Variants in SYNE3 observed in about 807,000 individuals in gnomAD.
The protein encoded by SYNE3 is nesprin-3.
SYNE3 carries 100 observed loss-of-function variants against 111.2 expected under a neutral mutation model. The observed-to-expected ratio is 0.90, with a 90% CI of 0.77 to 1.06. The LOEUF (loss-of-function observed/expected upper bound fraction) is 1.06. Ranked by LOEUF, SYNE3 falls within the 50% of genes least tolerant of loss-of-function variation. The pLI, the probability that SYNE3 is intolerant of heterozygous loss-of-function variation, is 0.00. For missense variants in SYNE3, 1,160 were observed against 1,240.3 expected (o/e 0.94, Z 0.97); for synonymous variants, 547 against 533.9 (o/e 1.02, Z -0.34).
At chr14:95,461,181 G>A (rs1341497492) in intron 4 of SYNE3, among the ~76,000 whole-genome samples, 1 of 152,216 alleles carries the variant, frequency 6.6e-6, no homozygotes, top group Non-Finnish European at 1.5e-5. Flanking sequence ...CAATTAACAA[G>A]GGTGGTGCGG....
At chr14:95,482,074 G>A (rs1003605457) in intron 1 of SYNE3, among the ~76,000 whole-genome samples, 2 of 152,216 alleles carry the variant, frequency 1.3e-5, no homozygotes, top group Admixed American at 6.5e-5. Flanking sequence ...GTGAGGGGCT[G>A]ATGCCCCATA....
At chr14:95,421,280 G>C (rs967040021) in intron 17 of SYNE3, among the ~76,000 whole-genome samples, 1 of 152,156 alleles carries the variant, frequency 6.6e-6, no homozygotes, top group African/African-American at 2.4e-5. Flanking sequence ...ATGTTGTGTA[G>C]AGGAGTTAAC....
At chr14:95,501,362 T>C (rs1030122824) in intron 1 of SYNE3, among the ~76,000 whole-genome samples, 3 of 152,224 alleles carry the variant, frequency 2.0e-5, no homozygotes, top group African/African-American at 7.2e-5. Context: ...CCCAGGACCG[T>C]GCCTGTCATA....
chr14:95,421,894 G>A (rs962510879), intron 17 of SYNE3, among the ~76,000 whole-genome samples: 12 of 152,264 alleles, frequency 7.9e-5, no homozygotes, highest in African/African-American at 2.9e-4. Flanking sequence ...ACTCCACCTG[G>A]TTAGCGCTGA....
chr14:95,455,930 A>T (rs1887411419), intron 5 of SYNE3: 1 of 525,674 alleles, frequency 1.9e-6, no homozygotes, highest in African/African-American at 1.9e-5. Flanking sequence ...CTTCCCCATA[A>T]GTCTTTTTCA....
rs926313497 is a variant in SYNE3, at chr14:95,500,533, G to A, written c.-15+16063C>T. On this transcript the variant is annotated intron_variant, in intron 1 of 17. Coordinates refer to ENST00000682763, the MANE Select transcript of SYNE3 (RefSeq NM_152592.6). The surrounding 1 kb of genome is among the most constrained non-coding windows in gnomAD (Gnocchi z 4.7). ...CTGGGACTTTGCTTTGGCCCAGCCG[G>A]ACTCAGCGGGAGGAGGCTGCCTTCC... 2.6e-5 allele frequency among the ~76,000 whole-genome samples: 4 copies of A among 152,238 alleles called. No individual in the cohort carries two copies. Among genetic ancestry groups the A allele is most frequent in the African/African-American group, 9.6e-5 (4 of 41,454 alleles).
chr14:95,419,367 G>A (rs2139335745), intron 17 of SYNE3, among the ~76,000 whole-genome samples: 1 of 152,204 alleles, frequency 6.6e-6, no homozygotes. Flanking sequence ...GCTGGGCTGT[G>A]GTGAGGGCTC....
rs768731428 is a variant in SYNE3, at chr14:95,437,022, G to GC, written c.2377-42dup. ...CGGCCAAAGCGTCAGAGGTGAAAGA[G>GC]CCCCCCTGGCCATGTGTCCTGGGAA... On this transcript the variant is annotated intron_variant, in intron 14 of 17. Transcript: ENST00000682763. 26 of 1,612,092 alleles carry GC rather than the reference G, an allele frequency of 1.6e-5. No homozygotes were observed. In the South Asian group the frequency reaches 2.4e-4, roughly 15 times the overall value.
rs1903527109 is a variant in SYNE3 at position 95,414,762 on chromosome 14, C to G, written c.*3064G>C. 6.6e-6 allele frequency: 1 copy of G among 151,046 alleles called. No homozygotes were observed. The highest frequency in any genetic ancestry group is 2.4e-5 in the African/African-American group (1 of 40,948). 9.4% of individuals were successfully genotyped at this position (151,046 alleles called of 1,614,324 possible). ...CAGCGCCACCTTTCTCAAGTAGCAC[C>G]TTAAAGCTCTGCATGGCTGTTAAAG... On this transcript the variant is annotated 3_prime_UTR_variant, in exon 18 of 18. Transcript: ENST00000682763.
At position 95,470,972 on chromosome 14, in the gene SYNE3, G is replaced by A. The variant is rs1469975632; in HGVS notation, c.145-3005C>T. 6.9e-6 allele frequency among the ~76,000 whole-genome samples: 1 copy of A among 145,562 alleles called. No individual in the cohort carries two copies. Among genetic ancestry groups the A allele is most frequent in the Non-Finnish European group, 1.5e-5 (1 of 66,112 alleles). On this transcript the variant is annotated intron_variant, in intron 2 of 17. Coordinates refer to ENST00000682763, the MANE Select transcript of SYNE3 (RefSeq NM_152592.6). The surrounding 1 kb of genome is among the most constrained non-coding windows in gnomAD (Gnocchi z 4.2). ...TCCAGCCTGGGCAACAGAGCAACAC[G>A]CCGTCTCAGGAAAAAAAAAAAAAGA... is the stretch of plus-strand genomic sequence containing the variant.
At position 95,474,924 on chromosome 14, in the gene SYNE3, C is replaced by A. The variant is rs116354837; in HGVS notation, c.144+754G>T. On this transcript the variant is annotated intron_variant, in intron 2 of 17. Transcript: ENST00000682763. ...TTATGGGATATCTAAATGGATGTGA[C>A]CCCAGAGGTGTGGAAGTCAACTGCT... Among the ~76,000 whole-genome samples, 1,417 of 152,336 alleles carry A rather than the reference C, an allele frequency of 9.3e-3. 27 individuals carry two copies. The highest frequency in any genetic ancestry group is 0.032 in the African/African-American group (1,346 of 41,568).
intron 15 of SYNE3, among the ~76,000 whole-genome samples, chr14:95,434,290 T>C (rs113744895): frequency 1.3e-3 from 205 of 152,274 alleles, no homozygotes; most frequent in African/African-American, 4.8e-3. Flanking sequence ...GGGCAGTCAG[T>C]GCTGTGTTCA....
Position 95,433,333 on chromosome 14 carries a change from G to A in SYNE3, c.2615C>T (p.Ser872Leu), listed in dbSNP as rs767202552. The A allele has an allele frequency of 2.4e-5, 38 of 1,614,004 alleles. No homozygotes were observed. Among genetic ancestry groups the A allele is most frequent in the South Asian group, 2.2e-4 (20 of 91,072 alleles). Residue 872 changes from serine (S) to leucine (L), a missense_variant, in exon 16 of 18, where the codon TCG becomes TTG. Coordinates refer to ENST00000682763, the MANE Select transcript of SYNE3 (RefSeq NM_152592.6). ...GTAGCGCAGATCTTCCAGCTCATCC[G>A]AGGTCCCCCTTGCTGGCCCGAGACG... ...LLRLGPARGT[S>L]DELEDLRYQW...
Position 95,475,711 on chromosome 14 carries a change from G to A in SYNE3, c.111C>T (p.Arg37=), listed in dbSNP as rs138656582. The change falls in exon 2 of 18, where the codon CGC becomes CGT. Residue 37 remains arginine, a synonymous_variant. Transcript: ENST00000682763. The stretch of plus-strand genomic sequence containing the variant: ...CCCACAGCCTGGCCTCCAGGGCCGC[G>A]CGGGGTCCCTGCGTGTTGTCATTGA... The part of the protein sequence containing the change: ...LQVNDNTQGP[R]AALEARLWET... 10 of 1,598,478 alleles carry A rather than the reference G, an allele frequency of 6.3e-6. No individual in the cohort carries two copies. The highest frequency in any genetic ancestry group is 3.5e-5 in the Admixed American group (2 of 57,652).
chr14:95,419,106 C>A (rs774376174), intron 17 of SYNE3, among the ~76,000 whole-genome samples: 2 of 152,212 alleles, frequency 1.3e-5, no homozygotes, highest in Non-Finnish European at 2.9e-5. Flanking sequence ...TCTGGAGGGA[C>A]TGGCCAGGTT....
intron 17 of SYNE3, among the ~76,000 whole-genome samples, chr14:95,425,740 T>C (rs1175019351): frequency 6.6e-6 from 1 of 152,212 alleles, no homozygotes; most frequent in Non-Finnish European, 1.5e-5. Context: ...GCTCAATTTT[T>C]CTATAAACCG....
rs750134563 is a variant in SYNE3 at position 95,467,801 on chromosome 14, C to T, written c.311G>A (p.Cys104Tyr). The change falls in exon 3 of 18, where the codon TGT becomes TAT. Residue 104 changes from cysteine to tyrosine, a missense_variant. By Grantham distance (194) the Cys-to-Tyr change is radical. Transcript: ENST00000682763. ...AAGGCCCTGGATGCCCTACCTGTGA[C>T]AGTGAGTCATGTAGGTGACTGTCTC... ...WEETVTYMTHCHSRIEWVWLH... is the reference protein window; with the variant it reads ...WEETVTYMTHYHSRIEWVWLH... The T allele has an allele frequency of 6.2e-7, 1 of 1,614,148 alleles. No homozygotes were observed.
At chr14:95,477,941 A>G (rs776916344) in intron 1 of SYNE3, among the ~76,000 whole-genome samples, 12 of 152,308 alleles carry the variant, frequency 7.9e-5, no homozygotes, top group Non-Finnish European at 1.8e-4. Flanking sequence ...AGGGACAGAG[A>G]CGAGTCCTGC....
chr14:95,477,331 T>C (rs752643637), intron 1 of SYNE3, among the ~76,000 whole-genome samples: 48 of 152,176 alleles, frequency 3.2e-4, no homozygotes, highest in African/African-American at 7.7e-4. Flanking sequence ...CTCCCTGGCA[T>C]TGGGGGAGAG....
Sources: allele counts gnomAD v4.1 joint callset (sites outside exome capture counted in the v4.1 genomes callset), GRCh38; gene constraint gnomAD v4.1.1; non-coding constraint Gnocchi (gnomAD v3.1); transcripts MANE v1.5; gene names NCBI Gene and HGNC (gene_info 2026-07-23, HGNC 2026-07-21).